Variants in ARSH observed in about 807,000 individuals in gnomAD.
ARSH encodes the protein arylsulfatase H.
Under a neutral mutation model 28.7 loss-of-function variants are expected in ARSH, and 32 were observed. That is an observed-to-expected ratio of 1.11 (90% confidence interval 0.84 to 1.50). The LOEUF is 1.50. Ranked by LOEUF, ARSH falls within the 40% of genes most tolerant of loss-of-function variation. The pLI, the probability that ARSH is intolerant of heterozygous loss-of-function variation, is 0.00. For missense variants in ARSH, 440 were observed against 452.4 expected, an observed-to-expected ratio of 0.97 and a Z score of 0.25; for synonymous variants, 176 against 177.3, an observed-to-expected ratio of 0.99 and a Z score of 0.06.
intron 5 of ARSH, among the ~76,000 whole-genome samples, chrX:3,019,758 TAATC>T (rs978937898): frequency 1.4e-4 from 16 of 111,341 alleles, no homozygotes; most frequent in Admixed American, 9.7e-5. Context: ...TAAGGGGTGT[TAATC>T]AATCACATTT....
intron 5 of ARSH, among the ~76,000 whole-genome samples, chrX:3,020,274 CAAAAAAAAAAAAAAAAAAA>C (rs59713321): frequency 7.2e-5 from 1 of 13,837 alleles, no homozygotes; most frequent in African/African-American, 4.5e-4. Context: ...GACCCCGTCT[CAAAAAAAAAAAAAAAAAAA>C]AAAAAAAAAA....
At chrX:3,012,971 G>A in intron 2 of ARSH, 76 bp from the exon 3 acceptor site, 1 of 1,120,201 alleles carries the variant, frequency 8.9e-7, no homozygotes. Context: ...CGGGAGGAGA[G>A]GACTTTAAGC....
At position 3,029,232 on chromosome X, in the gene ARSH, C is replaced by T. The variant is rs2089907122; in HGVS notation, c.1200-15C>T. 3.3e-6 allele frequency: 4 copies of T among 1,207,206 alleles called. No homozygotes were observed. In the East Asian group the frequency reaches 1.2e-4, roughly 36 times the overall value. On this transcript the variant is annotated splice_polypyrimidine_tract_variant and intron_variant, in intron 7 of 8. Transcript: ENST00000381130. ...CCTCTCTCATCACCTTCTACACACC[C>T]CCTTCTCTCCCAAGAGTGATTGACG...
intron 7 of ARSH, among the ~76,000 whole-genome samples, chrX:3,029,014 G>A (rs2089906287): frequency 9.3e-6 from 1 of 107,013 alleles, no homozygotes; most frequent in African/African-American, 3.4e-5. Context: ...GGAGGCGGAG[G>A]TTGCAGTGAG....
intron 5 of ARSH, among the ~76,000 whole-genome samples, chrX:3,019,450 A>C (rs1244785402): frequency 9.0e-6 from 1 of 111,370 alleles, no homozygotes; most frequent in East Asian, 2.8e-4. Context: ...AATGCTAAGG[A>C]TAATAAATGA....
At chrX:3,026,161 C>T (rs1179279749) in intron 6 of ARSH, among the ~76,000 whole-genome samples, 1 of 110,900 alleles carries the variant, frequency 9.0e-6, no homozygotes, top group African/African-American at 3.3e-5. Context: ...GTGAGCTTGT[C>T]GAGTTTTTCT....
chrX:3,026,474 C>G (rs1194914913), intron 6 of ARSH, among the ~76,000 whole-genome samples: 2 of 111,405 alleles, frequency 1.8e-5, no homozygotes, highest in African/African-American at 6.5e-5. Flanking sequence ...GACAGGTGCG[C>G]ACGTAGAAGA....
Position 3,032,831 on chromosome X carries a change from T to C in ARSH, c.1322-187T>C, listed in dbSNP as rs182432732. Among the ~76,000 whole-genome samples the C allele has an allele frequency of 1.1e-4, 12 of 112,276 alleles. No homozygotes were observed. The Admixed American group carries it at 1.1e-3, about 11-fold the overall frequency. On this transcript the variant is annotated intron_variant, in intron 8 of 8. Coordinates refer to ENST00000381130, the MANE Select transcript of ARSH (RefSeq NM_001011719.2). The stretch of plus-strand genomic sequence containing the variant: ...TCTCATGACAAGATTTCTAAAAATG[T>C]CTGCAAGTTTGCAGTGAAATTGTGC...
chrX:3,011,771 A>G, intron 2 of ARSH, among the ~76,000 whole-genome samples: 1 of 111,635 alleles, frequency 9.0e-6, no homozygotes, highest in East Asian at 2.8e-4. Context: ...CCTTAATAAA[A>G]CTGTTTCTCT....
intron 5 of ARSH, among the ~76,000 whole-genome samples, chrX:3,020,274 C>CAAAAAAAAAAA (rs59713321): frequency 7.2e-5 from 1 of 13,837 alleles, no homozygotes; most frequent in African/African-American, 4.5e-4. Flanking sequence ...GACCCCGTCT[C>CAAAAAAAAAAA]AAAAAAAAAA....
Position 3,033,112 on chromosome X carries a change from G to A in ARSH, c.1416G>A (p.Gly472=), listed in dbSNP as rs1393681564. The A allele has an allele frequency of 8.3e-7, 1 of 1,211,129 alleles. No individual in the cohort carries two copies. Among genetic ancestry groups the A allele is most frequent in the East Asian group, 3.0e-5 (1 of 33,799 alleles). Residue 472 remains glycine (G), a synonymous_variant, in exon 9 of 9, where the codon GGG becomes GGA. Coordinates refer to ENST00000381130, the MANE Select transcript of ARSH (RefSeq NM_001011719.2). ...CYGSGICSCS[G]DVTYHDPPLL... ...GGAGTGGAATATGTTCATGTTCGGG[G>A]GATGTAACCTACCACGACCCACCAC...
At chrX:3,020,813 G>A (rs2089881757) in intron 5 of ARSH, among the ~76,000 whole-genome samples, 1 of 110,251 alleles carries the variant, frequency 9.1e-6, no homozygotes, top group Non-Finnish European at 1.9e-5. Flanking sequence ...GGATGTGTAT[G>A]TGTGTGTATA....
At chrX:3,023,653 T>A (rs902747086) in intron 5 of ARSH, among the ~76,000 whole-genome samples, 13 of 107,157 alleles carry the variant, frequency 1.2e-4, no homozygotes, top group Non-Finnish European at 2.1e-4. Context: ...TTTTAATACA[T>A]CATGTTATAT....
In ARSH at chrX:3,029,319, C is replaced by T. The variant is rs1314583940; in HGVS notation, c.1272C>T (p.Phe424=). 6 of 1,211,060 alleles carry T rather than the reference C, an allele frequency of 5.0e-6. No individual in the cohort carries two copies. The highest frequency in any genetic ancestry group is 2.2e-5 in the Admixed American group (1 of 45,954). ...RASHSDHEFL[F]HYCGVYLHTV... ...CCCACTCCGACCACGAGTTCCTCTT[C>T]CACTACTGTGGGGTCTATCTGCACA... is the stretch of plus-strand genomic sequence containing the variant. Residue 424 remains phenylalanine (F), a synonymous_variant, in exon 8 of 9, where the codon TTC becomes TTT. Coordinates refer to ENST00000381130, the MANE Select transcript of ARSH (RefSeq NM_001011719.2).
chrX:3,024,273 T>C, intron 6 of ARSH, 118 bp downstream of exon 6: 3 of 785,926 alleles, frequency 3.8e-6, no homozygotes, highest in Non-Finnish European at 5.1e-6. Flanking sequence ...AGTTAGACTC[T>C]TATTAAGCTA....
intron 1 of ARSH, among the ~76,000 whole-genome samples, 155 bp from the exon 2 acceptor site, chrX:3,009,875 T>C (rs986943714): frequency 2.7e-5 from 3 of 112,159 alleles, no homozygotes; most frequent in Non-Finnish European, 5.6e-5. Flanking sequence ...CATCAATGCA[T>C]ATAAGGAAAT....
chrX:3,018,391 A>C (rs1438606335), intron 4 of ARSH, 143 bp from the exon 5 acceptor site: 1 of 500,988 alleles, frequency 2.0e-6, no homozygotes, highest in African/African-American at 2.4e-5. Context: ...TTTACGACTC[A>C]CAGGAGTGGT....
chrX:3,032,089 C>T (rs906395969), intron 8 of ARSH, among the ~76,000 whole-genome samples: 5 of 110,932 alleles, frequency 4.5e-5, no homozygotes, highest in African/African-American at 6.5e-5. Context: ...TCCTCATTTA[C>T]CAGAGGCTGG....
At chrX:3,006,879 C>T (rs1266524530) in intron 1 of ARSH, among the ~76,000 whole-genome samples, 175 bp downstream of exon 1, 1 of 111,109 alleles carries the variant, frequency 9.0e-6, no homozygotes, top group Non-Finnish European at 1.9e-5. Flanking sequence ...CACTTAACCT[C>T]CCAGTTTCCT....
Sources: allele counts gnomAD v4.1 joint callset (sites outside exome capture counted in the v4.1 genomes callset), GRCh38; gene constraint gnomAD v4.1.1; transcripts MANE v1.5; gene names NCBI Gene and HGNC (gene_info 2026-07-23, HGNC 2026-07-21).